WDR64: variants seen among roughly 807,000 people sequenced by gnomAD.
The protein encoded by WDR64 is WD repeat-containing protein 64.
WDR64 carries 112 observed loss-of-function variants against 139.3 expected under a neutral mutation model. That is an observed-to-expected ratio of 0.80 (90% CI 0.69 to 0.94). WDR64 has a LOEUF of 0.94. Among genes scored for constraint, WDR64 ranks in the 40% least tolerant of loss-of-function variants. The probability of loss-of-function intolerance (pLI) is 0.00; values close to 1 mark genes in which losing one functional copy is unlikely to be tolerated. For missense variants in WDR64, 1,206 were observed against 1,293.1 expected, an observed-to-expected ratio of 0.93 and a Z score of 1.03; for synonymous variants, 444 against 437.7, an observed-to-expected ratio of 1.01 and a Z score of -0.18.
chr1:241,712,277 C>T (rs1204639555), intron 9 of WDR64, among the ~76,000 whole-genome samples: 2 of 151,996 alleles, frequency 1.3e-5, no homozygotes, highest in Non-Finnish European at 2.9e-5. Context: ...ATCAAATCCT[C>T]CAGAGGAGAT....
chr1:241,671,077 T>G lies in WDR64; in HGVS notation c.280T>G (p.Phe94Val), dbSNP rs1666206645. 1 of 1,545,104 alleles carries G rather than the reference T, an allele frequency of 6.5e-7. No homozygotes were observed. The highest frequency in any genetic ancestry group is 1.4e-5 in the African/African-American group (1 of 72,726). Reference sequence around the variant, plus strand: ...TATGTGCTGTTTGGGATTTCAGATCTTTGGATACTTCTCCTCTGAAGAAGA... The same window carrying G: ...TATGTGCTGTTTGGGATTTCAGATCGTTGGATACTTCTCCTCTGAAGAAGA... ...TDASADWCEI[F>V]GYFSSEEDPI... The change falls in exon 3 of 28, where the codon TTT (phenylalanine) becomes GTT (valine). Residue 94 changes from phenylalanine (F) to valine (V), a missense_variant. Physicochemically the swap from Phe to Val is conservative, Grantham distance 50. Coordinates refer to ENST00000437684, the MANE Select transcript of WDR64 (RefSeq NM_001367482.1).
rs1667837143 is a variant in WDR64, at chr1:241,703,914, A to C, written c.975-7888A>C. 6.6e-6 allele frequency among the ~76,000 whole-genome samples: 1 copy of C among 152,230 alleles called. No individual in the cohort carries two copies. The highest frequency in any genetic ancestry group is 1.5e-5 in the Non-Finnish European group (1 of 67,990). Reference sequence around the variant, plus strand: ...AACACTTATAAAATCATCAGATCTCATGAGAACTCACTCACTAACACAAGA... The same window carrying C: ...AACACTTATAAAATCATCAGATCTCCTGAGAACTCACTCACTAACACAAGA... On this transcript the variant is annotated intron_variant, in intron 8 of 27. Transcript: ENST00000437684. This position sits in a 1 kb window ranked among gnomAD's most constrained non-coding sequence, Gnocchi z 5.9.
At chr1:241,700,422 G>T (rs1364986318) in intron 8 of WDR64, among the ~76,000 whole-genome samples, 2 of 151,990 alleles carry the variant, frequency 1.3e-5, no homozygotes, top group African/African-American at 4.8e-5. Flanking sequence ...TGACAGGATG[G>T]TCAGGAGAGA....
chr1:241,722,205 A>G (rs1341587425), intron 9 of WDR64, among the ~76,000 whole-genome samples: 2 of 152,214 alleles, frequency 1.3e-5, no homozygotes, highest in African/African-American at 4.8e-5. Flanking sequence ...CTATCATAAA[A>G]TGTAATTAAA....
chr1:241,652,301 C>G lies in WDR64; in HGVS notation c.-184C>G. The G allele has an allele frequency of 1.7e-6, 1 of 580,878 alleles. No homozygotes were observed. Among genetic ancestry groups the G allele is most frequent in the Non-Finnish European group, 3.0e-6 (1 of 334,992 alleles). 36.0% of individuals were successfully genotyped at this position (580,878 alleles called of 1,614,324 possible). A position where few individuals can be genotyped will look rare whatever the true frequency, so the allele number is the denominator to read the frequency against. ...GCATCAGACCTAAATCAGCTTTCCTCCCTGCTAACATCCTAGTGGCAACTC... is the reference window on the plus strand; with the variant it reads ...GCATCAGACCTAAATCAGCTTTCCTGCCTGCTAACATCCTAGTGGCAACTC... On this transcript the variant is annotated 5_prime_UTR_variant, in exon 1 of 28. Transcript: ENST00000437684.
intron 27 of WDR64, 152 bp from the exon 28 acceptor site, chr1:241,800,980 G>C: frequency 1.7e-6 from 1 of 601,006 alleles, no homozygotes; most frequent in Non-Finnish European, 2.9e-6. Context: ...CTTTTATCCT[G>C]AAGTCACATA....
At chr1:241,741,485 C>T (rs1574059634) in intron 11 of WDR64, 31 bp from the exon 12 acceptor site, 1 of 1,562,130 alleles carries the variant, frequency 6.4e-7, no homozygotes, top group Non-Finnish European at 8.6e-7. Context: ...TCTAATATTG[C>T]ATATTTATGA....
chr1:241,772,527 A>G (rs6429309), intron 19 of WDR64, among the ~76,000 whole-genome samples: 24,935 of 126,746 alleles, frequency 0.2, 2,543 homozygotes, highest in African/African-American at 0.29. Flanking sequence ...TAGTAGTGCC[A>G]TCTCAGCTCA....
Position 241,787,976 on chromosome 1 carries a change from G to A in WDR64, c.2833G>A (p.Glu945Lys). 1 of 1,608,130 alleles carries A rather than the reference G, an allele frequency of 6.2e-7. No homozygotes were observed. Among genetic ancestry groups the A allele is most frequent in the African/African-American group, 1.3e-5 (1 of 74,620 alleles). ...TGAATATCCCATAGAAATAAAAGAA[G>A]AAAGCAAGTTCACAGAGAAGCAAAA... The part of the protein sequence containing the change: ...VTEYPIEIKE[E>K]SKFTEKQKYE... The change falls in exon 24 of 28, where the codon GAA becomes AAA. Residue 945 changes from glutamate to lysine, a missense_variant. Transcript: ENST00000437684.
chr1:241,778,638 T>C (rs1202171049), intron 21 of WDR64, among the ~76,000 whole-genome samples: 1 of 152,194 alleles, frequency 6.6e-6, no homozygotes. Context: ...TTTTGTGTGA[T>C]TCTATCTTCT....
chr1:241,668,171 G>A (rs1331547745), intron 2 of WDR64, among the ~76,000 whole-genome samples: 3 of 152,156 alleles, frequency 2.0e-5, no homozygotes, highest in Non-Finnish European at 4.4e-5. Context: ...GAAAGGAAAA[G>A]TCAGTAGAAA....
At chr1:241,657,169 A>G (rs1434617163) in intron 1 of WDR64, among the ~76,000 whole-genome samples, 1 of 152,108 alleles carries the variant, frequency 6.6e-6, no homozygotes, top group East Asian at 1.9e-4. Context: ...AATTTTAAAA[A>G]GAGGCATAAA....
chr1:241,747,258 T>C (rs771312014), intron 13 of WDR64, among the ~76,000 whole-genome samples: 1 of 152,106 alleles, frequency 6.6e-6, no homozygotes, highest in Non-Finnish European at 1.5e-5. Context: ...TACGGTAAAA[T>C]TGTGAAGAAC....
chr1:241,703,758 T>C lies in WDR64; in HGVS notation c.975-8044T>C, dbSNP rs1466957881. ...ATAATTTGTAAAGGAAAGAGGTTAA[T>C]TGACTCACAGTTCCACATGGCTGGG... On this transcript the variant is annotated intron_variant, in intron 8 of 27. Coordinates refer to ENST00000437684, the MANE Select transcript of WDR64 (RefSeq NM_001367482.1). The surrounding 1 kb of genome is among the most constrained non-coding windows in gnomAD (Gnocchi z 5.9). 2.0e-5 allele frequency among the ~76,000 whole-genome samples: 3 copies of C among 152,218 alleles called. No homozygotes were observed. Among genetic ancestry groups the C allele is most frequent in the Admixed American group, 6.5e-5 (1 of 15,284 alleles).
chr1:241,678,357 C>T (rs2148095703), intron 5 of WDR64, 141 bp downstream of exon 5: 1 of 391,012 alleles, frequency 2.6e-6, no homozygotes, highest in East Asian at 3.6e-5. Flanking sequence ...TGTTTACTGA[C>T]TAGGATCAAA....
chr1:241,754,685 A>G (rs951972461), intron 14 of WDR64, among the ~76,000 whole-genome samples: 2 of 152,038 alleles, frequency 1.3e-5, no homozygotes, highest in Non-Finnish European at 2.9e-5. Context: ...CCCGTCATCT[A>G]CATTAGCCAT....
intron 10 of WDR64, among the ~76,000 whole-genome samples, chr1:241,724,550 G>A (rs1050634388): frequency 1.3e-5 from 2 of 152,062 alleles, no homozygotes; most frequent in African/African-American, 4.8e-5. Flanking sequence ...AAACTGATTA[G>A]CCATAAAGAA....
At chr1:241,662,987 A>G (rs543246192) in intron 2 of WDR64, among the ~76,000 whole-genome samples, 4 of 152,330 alleles carry the variant, frequency 2.6e-5, no homozygotes, top group African/African-American at 9.6e-5. Flanking sequence ...ATAGAATTAT[A>G]TGGCAAACTA....
chr1:241,771,908 A>C (rs1430521481), intron 19 of WDR64, among the ~76,000 whole-genome samples: 1 of 141,946 alleles, frequency 7.0e-6, no homozygotes, highest in Non-Finnish European at 1.5e-5. Context: ...ATACATACAC[A>C]CATATACATA....
Sources: gnomAD v4.1 joint callset for allele counts (sites outside exome capture counted in the v4.1 genomes callset) on GRCh38, gnomAD v4.1.1 for gene constraint, Gnocchi (gnomAD v3.1) non-coding constraint, MANE v1.5 for transcripts, NCBI Gene and HGNC (gene_info 2026-07-23, HGNC 2026-07-21) for gene names.